The following PTPRG variants were observed in gnomAD, a reference collection of about 807,000 sequenced individuals.
PTPRG encodes the protein protein tyrosine phosphatase receptor type G, also known as receptor-type tyrosine-protein phosphatase gamma.
In PTPRG, 102 loss-of-function variants were observed where a neutral mutation model predicts 165.3. That is an observed-to-expected ratio of 0.62 (90% CI 0.53 to 0.73). PTPRG has a LOEUF of 0.73. PTPRG is among the 30% of genes least tolerant of loss of function. PTPRG has a pLI of 0.00. For synonymous variants in PTPRG, 675 were observed against 669.5 expected, an observed-to-expected ratio of 1.01 and a Z score of -0.13; for missense variants, 1,866 against 1,861.4, an observed-to-expected ratio of 1.00 and a Z score of -0.05.
At chr3:61,840,782 GTTTTTTTTTTT>G (rs149041037) in intron 2 of PTPRG, among the ~76,000 whole-genome samples, 2 of 120,088 alleles carry the variant, frequency 1.7e-5, no homozygotes, top group African/African-American at 6.4e-5. Flanking sequence ...TTGTTTGTTT[GTTTTTTTTTTT>G]TTTTTTTTGA....
chr3:61,660,053 T>C (rs1702615946), intron 1 of PTPRG, among the ~76,000 whole-genome samples: 1 of 151,956 alleles, frequency 6.6e-6, no homozygotes, highest in Admixed American at 6.6e-5. Context: ...GGTGAAACCC[T>C]GTCTCTACTA....
chr3:62,125,500 G>A (rs1356856349), intron 5 of PTPRG, among the ~76,000 whole-genome samples: 2 of 152,060 alleles, frequency 1.3e-5, no homozygotes, highest in Non-Finnish European at 2.9e-5. Context: ...GAAAACAGTC[G>A]GCTCTGCCTT....
intron 5 of PTPRG, among the ~76,000 whole-genome samples, chr3:62,127,995 G>A (rs1024953160): frequency 6.6e-6 from 1 of 152,172 alleles, no homozygotes; most frequent in Non-Finnish European, 1.5e-5. Context: ...GATTTCATGA[G>A]CGTTTATGTG....
At chr3:62,088,358 C>T (rs1369436616) in intron 5 of PTPRG, among the ~76,000 whole-genome samples, 1 of 152,158 alleles carries the variant, frequency 6.6e-6, no homozygotes, top group Non-Finnish European at 1.5e-5. Context: ...ATCTTCATCT[C>T]GGTAGAGGGG....
intron 1 of PTPRG, among the ~76,000 whole-genome samples, chr3:61,604,281 A>C (rs893536250): frequency 1.3e-5 from 2 of 152,220 alleles, no homozygotes; most frequent in African/African-American, 4.8e-5. Flanking sequence ...CAGAGATTGC[A>C]CCACTGCACT....
chr3:61,829,860 CT>C (rs1331093329), intron 2 of PTPRG, among the ~76,000 whole-genome samples: 1 of 152,238 alleles, frequency 6.6e-6, no homozygotes, highest in East Asian at 1.9e-4. Context: ...GACAGAGCGC[CT>C]GTGTATTTTG....
chr3:61,810,116 C>G (rs1227790425), intron 2 of PTPRG, among the ~76,000 whole-genome samples: 2 of 152,148 alleles, frequency 1.3e-5, no homozygotes, highest in Admixed American at 1.3e-4. Context: ...GTGATACTTG[C>G]AACTGTGAGC....
chr3:61,625,867 C>T (rs1575546857), intron 1 of PTPRG, among the ~76,000 whole-genome samples: 1 of 152,304 alleles, frequency 6.6e-6, no homozygotes, highest in Middle Eastern at 3.4e-3. Context: ...GAACTTACTC[C>T]ATTTAAACTT....
intron 2 of PTPRG, among the ~76,000 whole-genome samples, chr3:61,834,345 G>T (rs1559638764): frequency 6.6e-6 from 1 of 152,120 alleles, no homozygotes; most frequent in East Asian, 1.9e-4. Flanking sequence ...TACTACCCTG[G>T]CAGGGGGTCA....
At chr3:62,022,491 C>A (rs1371865939) in intron 4 of PTPRG, among the ~76,000 whole-genome samples, 1 of 152,160 alleles carries the variant, frequency 6.6e-6, no homozygotes, top group Non-Finnish European at 1.5e-5. Flanking sequence ...AGGTTTTACC[C>A]AACAGGCATT....
In PTPRG at chr3:61,957,342, C is replaced by T. The variant is rs547932107; in HGVS notation, c.191-32283C>T. ...AATTATTTTGAAATATTTTAAAATCCAGTTTTTATATGCTTTTTAGTAAAA... is the reference window on the plus strand; with the variant it reads ...AATTATTTTGAAATATTTTAAAATCTAGTTTTTATATGCTTTTTAGTAAAA... On this transcript the variant is annotated intron_variant, in intron 2 of 29. Coordinates refer to ENST00000474889, the MANE Select transcript of PTPRG (RefSeq NM_002841.4). Among the ~76,000 whole-genome samples the T allele has an allele frequency of 4.6e-5, 7 of 152,232 alleles. No individual in the cohort carries two copies. In the East Asian group the frequency reaches 1.3e-3, roughly 29 times the overall value.
intron 5 of PTPRG, among the ~76,000 whole-genome samples, chr3:62,092,102 A>G (rs1351773474): frequency 6.9e-6 from 1 of 144,820 alleles, no homozygotes; most frequent in Non-Finnish European, 1.5e-5. Context: ...ACACACACAC[A>G]CACACACACA....
At chr3:62,272,544 T>G (rs1477096126) in intron 21 of PTPRG, among the ~76,000 whole-genome samples, 1 of 152,092 alleles carries the variant, frequency 6.6e-6, no homozygotes, top group Non-Finnish European at 1.5e-5. Context: ...TCATCTAAGG[T>G]TATCTAAGTG....
chr3:61,569,127 T>A (rs1699996574), intron 1 of PTPRG, among the ~76,000 whole-genome samples: 1 of 152,172 alleles, frequency 6.6e-6, no homozygotes. Context: ...TGCCATACTA[T>A]TTTGTCAGCA....
intron 1 of PTPRG, among the ~76,000 whole-genome samples, chr3:61,577,078 C>T (rs776523925): frequency 1.3e-5 from 2 of 152,134 alleles, no homozygotes; most frequent in African/African-American, 2.4e-5. Flanking sequence ...GTTGTTTATA[C>T]CTGACAGAGT....
intron 2 of PTPRG, among the ~76,000 whole-genome samples, chr3:61,908,411 CAAA>C (rs776421819): frequency 2.1e-4 from 12 of 57,738 alleles, no homozygotes; most frequent in African/African-American, 2.9e-4. Flanking sequence ...GGCAACAGAG[CAAA>C]AAAAAAAAAA....
chr3:61,934,251 A>G (rs962565331), intron 2 of PTPRG, among the ~76,000 whole-genome samples: 2 of 152,230 alleles, frequency 1.3e-5, no homozygotes, highest in African/African-American at 2.4e-5. Flanking sequence ...CTGACACTGC[A>G]TATTCTGGTG....
chr3:61,919,779 T>TA (rs925366738), intron 2 of PTPRG, among the ~76,000 whole-genome samples: 5 of 152,138 alleles, frequency 3.3e-5, no homozygotes, highest in African/African-American at 1.2e-4. Context: ...AGTTTTTAAA[T>TA]AAAAAAGTTT....
chr3:61,937,743 A>G, intron 2 of PTPRG, among the ~76,000 whole-genome samples: 1 of 152,298 alleles, frequency 6.6e-6, no homozygotes, highest in Middle Eastern at 3.4e-3. Flanking sequence ...CGGCAAAAGG[A>G]GAACATTGTG....
Sources: allele counts gnomAD v4.1 joint callset (sites outside exome capture counted in the v4.1 genomes callset), GRCh38; gene constraint gnomAD v4.1.1; transcripts MANE v1.5; gene names NCBI Gene and HGNC (gene_info 2026-07-23, HGNC 2026-07-21).